The following KCNN1 variants were observed in gnomAD, a reference collection of about 807,000 sequenced individuals.
KCNN1 encodes small conductance calcium-activated potassium channel protein 1.
Under a neutral mutation model 44.7 loss-of-function variants are expected in KCNN1, and 20 were observed. That is an observed-to-expected ratio of 0.45 (90% CI 0.32 to 0.65). KCNN1 has a LOEUF of 0.65. Ranked by LOEUF, KCNN1 falls within the 30% of genes least tolerant of loss-of-function variation. The pLI, the probability that KCNN1 is intolerant of heterozygous loss-of-function variation, is 0.05. For missense variants in KCNN1, 632 were observed against 785.3 expected (o/e 0.80, Z 2.33); for synonymous variants, 324 against 341.7 (o/e 0.95, Z 0.57).
chr19:17,963,235 G>A (rs568803376), upstream of KCNN1, among the ~76,000 whole-genome samples: 5 of 151,258 alleles, frequency 3.3e-5, no homozygotes, highest in East Asian at 1.9e-4. Context: ...GGATGGTCTC[G>A]ATCTCCTGAC....
chr19:17,966,265 G>C (rs545168459), upstream of KCNN1, among the ~76,000 whole-genome samples: 1 of 152,150 alleles, frequency 6.6e-6, no homozygotes, highest in Non-Finnish European at 1.5e-5. Flanking sequence ...GGCTGGTGGG[G>C]GACAGAGCTG....
At chr19:17,956,596 A>G (rs1014776501) in intron 2 of KCNN1, among the ~76,000 whole-genome samples, 15 of 151,074 alleles carry the variant, frequency 9.9e-5, no homozygotes, top group African/African-American at 3.4e-4. Flanking sequence ...TTTTTTTTTA[A>G]ATTAACCAGT....
At chr19:17,985,951 C>G (rs1166027256) in intron 5 of KCNN1, among the ~76,000 whole-genome samples, 1 of 152,140 alleles carries the variant, frequency 6.6e-6, no homozygotes, top group Non-Finnish European at 1.5e-5. Flanking sequence ...TGCTGGGGGC[C>G]GGGCGTGGTG....
rs1368419031 is a variant in KCNN1 at position 17,983,708 on chromosome 19, G to T, written c.917+1581G>T. Among the ~76,000 whole-genome samples the T allele has an allele frequency of 6.6e-6, 1 of 151,790 alleles. No homozygotes were observed. Among genetic ancestry groups the T allele is most frequent in the Non-Finnish European group, 1.5e-5 (1 of 67,908 alleles). On this transcript the variant is annotated intron_variant, in intron 4 of 9. Coordinates refer to ENST00000684775, the MANE Select transcript of KCNN1 (RefSeq NM_001386974.1). The surrounding 1 kb of genome is among the most constrained non-coding windows in gnomAD (Gnocchi z 4.5). The stretch of plus-strand genomic sequence containing the variant: ...TCTGACCCACCCCCGCCTCCCGCAT[G>T]TCCCCCAGCCGTGCTCCTGGGTGGT...
intron 9 of KCNN1, among the ~76,000 whole-genome samples, chr19:17,997,197 G>A (rs1005690129): frequency 2.6e-5 from 4 of 152,142 alleles, no homozygotes; most frequent in Non-Finnish European, 5.9e-5. Flanking sequence ...AGATTCTCAG[G>A]GCAGTCACCT....
chr19:17,967,137 T>C lies in KCNN1; in HGVS notation c.-262T>C. On this transcript the variant is annotated 5_prime_UTR_variant, in exon 1 of 10. Transcript: ENST00000684775. ...CTCGCCCCCCGCCGGGCCCGTGGAC[T>C]GGGCGGCGGGGGATGCGCCTGCCGC... 4 of 973,348 alleles carry C rather than the reference T, an allele frequency of 4.1e-6. No individual in the cohort carries two copies. Among genetic ancestry groups the C allele is most frequent in the Non-Finnish European group, 4.9e-6 (4 of 821,710 alleles). 60.3% of individuals were successfully genotyped at this position (973,348 alleles called of 1,614,324 possible).
In KCNN1 at chr19:17,982,150, C is replaced by G. The variant is rs372361958; in HGVS notation, c.917+23C>G. On this transcript the variant is annotated intron_variant, in intron 4 of 9. Coordinates refer to ENST00000684775, the MANE Select transcript of KCNN1 (RefSeq NM_001386974.1). ...GAGGTGCGACCGCCGCCCCTGGAGC[C>G]CCCCCAGCCCCCAGCCCCCGTCTCC... The G allele has an allele frequency of 6.1e-6, 9 of 1,471,768 alleles. No homozygotes were observed. In the Admixed American group the frequency reaches 6.3e-5, roughly 10 times the overall value. The allele number at this position is 1,471,768 out of a possible 1,614,324, so 91.2% of individuals were successfully genotyped here.
chr19:17,959,837 CACTT>C (rs1468778213), intron 2 of KCNN1, among the ~76,000 whole-genome samples: 1 of 152,066 alleles, frequency 6.6e-6, no homozygotes, highest in East Asian at 1.9e-4. Context: ...ATAATCCTAG[CACTT>C]TGGGAGGCTG....
At chr19:17,996,019 G>A (rs1316301553) in intron 9 of KCNN1, among the ~76,000 whole-genome samples, 1 of 151,958 alleles carries the variant, frequency 6.6e-6, no homozygotes, top group Non-Finnish European at 1.5e-5. Context: ...GTAAGGTATG[G>A]TAGAGAAAGG....
intron 1 of KCNN1, among the ~76,000 whole-genome samples, chr19:17,971,035 C>G (rs2032004773): frequency 6.6e-6 from 1 of 152,130 alleles, no homozygotes; most frequent in Non-Finnish European, 1.5e-5. Context: ...AGGTGCCCAC[C>G]ACCACACCTG....
intron 7 of KCNN1, among the ~76,000 whole-genome samples, chr19:17,991,419 C>A (rs1434260481): frequency 6.6e-6 from 1 of 152,194 alleles, no homozygotes; most frequent in Non-Finnish European, 1.5e-5. Flanking sequence ...CCACTGCACT[C>A]CAGCCTGGGC....
chr19:17,993,135 C>A lies in KCNN1; in HGVS notation c.1307+73C>A. The A allele has an allele frequency of 1.3e-6, 2 of 1,581,340 alleles. No individual in the cohort carries two copies. Among genetic ancestry groups the A allele is most frequent in the East Asian group, 2.2e-5 (1 of 44,614 alleles). On this transcript the variant is annotated intron_variant, in intron 8 of 9. Transcript: ENST00000684775. This position sits in a 1 kb window ranked among gnomAD's most constrained non-coding sequence, Gnocchi z 4.5. ...ATGGTGGTCACAGACAGGGGGTACA[C>A]CCGGGGCATGCCAACCCCAGCCTCA...
rs889690851 is a variant in KCNN1 at position 17,986,237 on chromosome 19, C to G, written c.1059+784C>G. 1.1e-4 allele frequency among the ~76,000 whole-genome samples: 16 copies of G among 152,166 alleles called. No homozygotes were observed. The East Asian group carries it at 3.1e-3, about 29-fold the overall frequency. ...AATTAGCCGGGCGTGGTGGTGGGTG[C>G]CTGTAATCCCAGCTACTAGGGAGGC... On this transcript the variant is annotated intron_variant, in intron 5 of 9. Transcript: ENST00000684775.
intron 1 of KCNN1, among the ~76,000 whole-genome samples, chr19:17,953,765 C>CA (rs992548437): frequency 9.2e-5 from 14 of 152,166 alleles, no homozygotes; most frequent in East Asian, 5.8e-4. Context: ...CCTGTCTCTA[C>CA]AAAAAATTAA....
chr19:17,960,537 G>A (rs193012096), intron 2 of KCNN1, among the ~76,000 whole-genome samples: 1 of 152,264 alleles, frequency 6.6e-6, no homozygotes, highest in Admixed American at 6.5e-5. Flanking sequence ...GGCTGAGGCA[G>A]GAGAATCGCT....
At chr19:17,976,602 G>C (rs549785486) in intron 3 of KCNN1, among the ~76,000 whole-genome samples, 51 of 152,006 alleles carry the variant, frequency 3.4e-4, no homozygotes, top group African/African-American at 1.1e-3. Context: ...ATTTTTAGTA[G>C]AGACGGGGTT....
At chr19:17,964,439 C>G (rs1474956198), upstream of KCNN1, among the ~76,000 whole-genome samples, 3 of 152,372 alleles carry the variant, frequency 2.0e-5, no homozygotes, top group Admixed American at 2.0e-4. The surrounding 1 kb of genome is among the most constrained non-coding windows in gnomAD (Gnocchi z 4.3). Context: ...CTCAGGCCCC[C>G]TGCGGAGGGG....
At chr19:17,965,835 C>T (rs1280419428), upstream of KCNN1, among the ~76,000 whole-genome samples, 1 of 152,084 alleles carries the variant, frequency 6.6e-6, no homozygotes, top group Non-Finnish European at 1.5e-5. Flanking sequence ...TGGGCATTGT[C>T]ACCACGGCCG....
At chr19:17,951,528 C>T (rs1376245509) in intron 1 of KCNN1, 1 of 152,296 alleles carries the variant, frequency 6.6e-6, no homozygotes, top group Non-Finnish European at 1.5e-5. Context: ...CCGAGCCAGA[C>T]CCCGCGAGCC....
Sources: gnomAD v4.1 joint callset for allele counts (sites outside exome capture counted in the v4.1 genomes callset) on GRCh38, gnomAD v4.1.1 for gene constraint, Gnocchi (gnomAD v3.1) non-coding constraint, MANE v1.5 for transcripts, NCBI Gene and HGNC (gene_info 2026-07-23, HGNC 2026-07-21) for gene names.